Variants in LY9 observed in about 807,000 individuals in gnomAD.
LY9 encodes T-lymphocyte surface antigen Ly-9.
Under a neutral mutation model 64.6 loss-of-function variants are expected in LY9, and 59 were observed. The ratio of observed to expected loss-of-function variants is 0.91; its 90% CI spans 0.74 to 1.13. LY9 has a LOEUF of 1.13. LY9 is among the 50% of genes most tolerant of loss of function. The pLI is 0.00. For missense variants in LY9, 789 were observed against 797.2 expected (o/e 0.99, Z 0.12); for synonymous variants, 281 against 308.5 (o/e 0.91, Z 0.93).
At chr1:160,796,457 A>G in intron 1 of LY9, 146 bp downstream of exon 1, 3 of 998,104 alleles carry the variant, frequency 3.0e-6, no homozygotes, top group Non-Finnish European at 4.4e-6. Context: ...AAGTGGCGCA[A>G]TCTCGGCTCA....
At chr1:160,800,287 A>G (rs1666325749) in intron 2 of LY9, 2 of 554,560 alleles carry the variant, frequency 3.6e-6, no homozygotes, top group South Asian at 2.2e-5. Flanking sequence ...GATTTTCTCT[A>G]TCTTACTGTA....
chr1:160,801,246 C>G (rs1280815133), intron 2 of LY9, among the ~76,000 whole-genome samples: 1 of 152,002 alleles, frequency 6.6e-6, no homozygotes, highest in Non-Finnish European at 1.5e-5. Flanking sequence ...GTTTAAATAA[C>G]AGCCATTCTG....
chr1:160,819,384 C>T lies in LY9; in HGVS notation c.1498+10C>T, dbSNP rs906153798. On this transcript the variant is annotated intron_variant, in intron 7 of 9. Coordinates refer to ENST00000263285, the MANE Select transcript of LY9 (RefSeq NM_002348.4). The stretch of plus-strand genomic sequence containing the variant: ...CCAGCGGATACACCAGGTAACATCA[C>T]CCATGACACAGGCTATGGGGTATCT... 1.2e-6 allele frequency: 2 copies of T among 1,610,814 alleles called. No individual in the cohort carries two copies. Among genetic ancestry groups the T allele is most frequent in the South Asian group, 1.1e-5 (1 of 91,020 alleles).
rs183817757 is a variant in LY9 at position 160,798,457 on chromosome 1, G to A, written c.125-1296G>A. On this transcript the variant is annotated intron_variant, in intron 1 of 9. Transcript: ENST00000263285. The stretch of plus-strand genomic sequence containing the variant: ...AGATAATTTACATAAAGTACCTAAT[G>A]CACACATAGCAATCGTAAGCAGTCT... Among the ~76,000 whole-genome samples the A allele has an allele frequency of 3.7e-4, 56 of 152,298 alleles. 1 individual carries two copies. The highest frequency in any genetic ancestry group is 1.3e-3 in the African/African-American group (54 of 41,568).
chr1:160,824,708 G>T (rs1270930023), intron 9 of LY9: 1 of 957,714 alleles, frequency 1.0e-6, no homozygotes, highest in Non-Finnish European at 1.2e-6. Context: ...AGCCGGGCGC[G>T]GTGGCTCATA....
intron 2 of LY9, among the ~76,000 whole-genome samples, chr1:160,806,897 A>G (rs501026): frequency 0.31 from 47,243 of 152,052 alleles, 7,492 homozygotes; most frequent in South Asian, 0.41. Context: ...AAATGTAACA[A>G]AGGTTTAGCT....
At chr1:160,798,620 C>T (rs771986294) in intron 1 of LY9, among the ~76,000 whole-genome samples, 2 of 152,126 alleles carry the variant, frequency 1.3e-5, no homozygotes, top group East Asian at 1.9e-4. Flanking sequence ...CCATAGCTGC[C>T]TCTCCACAAG....
At chr1:160,806,037 TTCTTTACTTGTAGTCTATATA>T (rs989664050) in intron 2 of LY9, among the ~76,000 whole-genome samples, 3 of 151,966 alleles carry the variant, frequency 2.0e-5, no homozygotes, top group African/African-American at 7.2e-5. Context: ...GTTTTTCCAT[TTCTTTACTTGTAGTCTATATA>T]TCTTTACTGT....
intron 1 of LY9, chr1:160,797,139 G>A (rs1344524853): frequency 1.0e-6 from 1 of 985,550 alleles, no homozygotes; most frequent in Non-Finnish European, 1.2e-6. Flanking sequence ...TCTCTCCGCT[G>A]CATGGCCCGG....
At chr1:160,801,879 A>G in intron 2 of LY9, 1 of 1,614,006 alleles carries the variant, frequency 6.2e-7, no homozygotes, top group East Asian at 2.2e-5. Flanking sequence ...CATCATCAGC[A>G]CCCTGGCTGA....
chr1:160,816,618 CGTGGAGCCTCAGGCACA>C lies in LY9; in HGVS notation c.1101_1117del (p.Trp367Ter). 6.2e-7 allele frequency: 1 copy of C among 1,608,700 alleles called. No homozygotes were observed. Among genetic ancestry groups the C allele is most frequent in the Non-Finnish European group, 8.5e-7 (1 of 1,177,196 alleles). On this transcript the variant is annotated frameshift_variant, in exon 5 of 10. Transcript: ENST00000263285. LOFTEE classifies it high-confidence loss of function. Reference sequence around the variant, plus strand: ...GGCAGGCTGAGGAAGCCCAAAATCACGTGGAGCCTCAGGCACAGTGAGGATGGCATCTGCAGGATCAG... The same window carrying C: ...GGCAGGCTGAGGAAGCCCAAAATCACGTGAGGATGGCATCTGCAGGATCAG...
Position 160,813,816 on chromosome 1 carries a change from C to T in LY9, c.635C>T (p.Thr212Ile). 3 of 1,614,212 alleles carry T rather than the reference C, an allele frequency of 1.9e-6. No homozygotes were observed. The highest frequency in any genetic ancestry group is 2.5e-6 in the Non-Finnish European group (3 of 1,180,036). ...GGCTCCATTCTTACCGTCTCCCGAA[C>T]ACCATGTGACCCAGACCTGCCATAC... ...NGGSILTVSR[T>I]PCDPDLPYIC... Residue 212 changes from threonine (T) to isoleucine (I), a missense_variant, in exon 3 of 10, where the codon ACA (threonine) becomes ATA (isoleucine). Transcript: ENST00000263285.
chr1:160,800,119 T>C (rs766565714), intron 2 of LY9, 37 bp downstream of exon 2: 11 of 1,501,384 alleles, frequency 7.3e-6, no homozygotes, highest in Non-Finnish European at 1.0e-5. Context: ...TGATCTTTTC[T>C]TTTTTTTATT....
rs776473321 is a variant in LY9 at position 160,816,682 on chromosome 1, CG to C, written c.1166del (p.Gly389GlufsTer73). 7 of 1,614,130 alleles carry C rather than the reference CG, an allele frequency of 4.3e-6. No individual in the cohort carries two copies. The highest frequency in any genetic ancestry group is 1.3e-5 in the African/African-American group (1 of 75,008). ...TCAGCCTGACCTGCTCCGTGGAGGACGGGGGAAACACTGTCATGTACACATG... is the reference window on the plus strand; with the variant it reads ...TCAGCCTGACCTGCTCCGTGGAGGACGGGGAAACACTGTCATGTACACATG... ...RISLTCSVED[G>X]GNTVMYTWTP... On this transcript the variant is annotated frameshift_variant, in exon 5 of 10. Transcript: ENST00000263285. LOFTEE classifies it high-confidence loss of function.
chr1:160,797,258 T>C, intron 1 of LY9: 1 of 985,496 alleles, frequency 1.0e-6, no homozygotes, highest in South Asian at 4.7e-5. Flanking sequence ...CTCCAGGGCT[T>C]CAGGGATGAT....
intron 2 of LY9, among the ~76,000 whole-genome samples, chr1:160,804,407 G>A (rs567392339): frequency 9.2e-5 from 14 of 152,238 alleles, no homozygotes; most frequent in South Asian, 8.3e-4. Flanking sequence ...ATTTACATAC[G>A]TTAAACCATC....
intron 1 of LY9, 52 bp from the exon 2 acceptor site, chr1:160,799,701 G>C: frequency 3.6e-6 from 4 of 1,122,144 alleles, no homozygotes; most frequent in South Asian, 1.4e-5. Flanking sequence ...AAGAAAGAAG[G>C]CTAGCTCAAG....
At chr1:160,808,312 T>C (rs1558090806) in intron 2 of LY9, among the ~76,000 whole-genome samples, 2 of 152,106 alleles carry the variant, frequency 1.3e-5, no homozygotes, top group Non-Finnish European at 2.9e-5. Flanking sequence ...CAGCAACAGT[T>C]TTAGTTTTCC....
At chr1:160,798,275 C>T (rs1666091252) in intron 1 of LY9, among the ~76,000 whole-genome samples, 1 of 152,150 alleles carries the variant, frequency 6.6e-6, no homozygotes, top group Admixed American at 6.5e-5. Context: ...ATGGGCAGTA[C>T]TCCTGGCCTC....
Sources: gnomAD v4.1 joint callset for allele counts (sites outside exome capture counted in the v4.1 genomes callset) on GRCh38, gnomAD v4.1.1 for gene constraint, MANE v1.5 for transcripts, NCBI Gene and HGNC (gene_info 2026-07-23, HGNC 2026-07-21) for gene names.